CAMK2D: variants seen among roughly 807,000 people sequenced by gnomAD.
The protein encoded by CAMK2D is calcium/calmodulin-dependent protein kinase type II subunit delta.
A neutral mutation model predicts 84.0 loss-of-function variants in CAMK2D; 37 were observed. That is an observed-to-expected ratio of 0.44 (90% confidence interval 0.34 to 0.58). CAMK2D has a LOEUF of 0.58. CAMK2D is among the 20% of genes least tolerant of loss of function. CAMK2D has a pLI of 0.02. For synonymous variants in CAMK2D, 202 were observed against 212.5 expected (o/e 0.95, Z 0.43); for missense variants, 448 against 652.5 (o/e 0.69, Z 3.41).
chr4:113,467,133 A>C (rs2097483699), intron 16 of CAMK2D, among the ~76,000 whole-genome samples: 1 of 152,228 alleles, frequency 6.6e-6, no homozygotes, highest in Non-Finnish European at 1.5e-5. Context: ...CTGGATTTTA[A>C]GAATATTGCG....
intron 2 of CAMK2D, among the ~76,000 whole-genome samples, chr4:113,723,783 T>C (rs567778318): frequency 1.3e-5 from 2 of 152,276 alleles, no homozygotes; most frequent in East Asian, 3.9e-4. Flanking sequence ...AAGACATAGG[T>C]AGCATTCAGG....
intron 4 of CAMK2D, among the ~76,000 whole-genome samples, chr4:113,572,073 T>TAA (rs72617834): frequency 0.053 from 7,771 of 146,104 alleles, 580 homozygotes; most frequent in African/African-American, 0.16. Flanking sequence ...ACAGTTTTCA[T>TAA]AAAAAAAAAA....
chr4:113,745,701 C>T (rs1859231), intron 2 of CAMK2D, among the ~76,000 whole-genome samples: 2,383 of 152,074 alleles, frequency 0.016, 71 homozygotes, highest in African/African-American at 0.054. Flanking sequence ...AGTGATGTAG[C>T]GTTTATTTTC....
chr4:113,702,386 G>C (rs1023058127), intron 2 of CAMK2D, among the ~76,000 whole-genome samples: 1 of 151,562 alleles, frequency 6.6e-6, no homozygotes, highest in African/African-American at 2.4e-5. Flanking sequence ...GTCATTCTTA[G>C]CTTACTGGCC....
intron 2 of CAMK2D, among the ~76,000 whole-genome samples, chr4:113,666,373 T>C (rs1281493262): frequency 6.6e-6 from 1 of 152,198 alleles, no homozygotes; most frequent in Non-Finnish European, 1.5e-5. Flanking sequence ...GAATTTCATC[T>C]TTCTTGACAC....
In CAMK2D at chr4:113,584,251, T is replaced by C. The variant is rs548215634; in HGVS notation, c.275+24901A>G. On this transcript the variant is annotated intron_variant, in intron 4 of 20. Transcript: ENST00000511664. ...GGGAGTAGAATGTGGGAGATGGAGATTGACCTCAAAGTGTGAGAGCTCTTG... is the reference window on the plus strand; with the variant it reads ...GGGAGTAGAATGTGGGAGATGGAGACTGACCTCAAAGTGTGAGAGCTCTTG... 1.1e-4 allele frequency among the ~76,000 whole-genome samples: 16 copies of C among 152,274 alleles called. 1 individual carries two copies. The highest frequency in any genetic ancestry group is 6.5e-4 in the Admixed American group (10 of 15,288).
intron 2 of CAMK2D, among the ~76,000 whole-genome samples, chr4:113,677,047 C>T (rs957213021): frequency 6.6e-6 from 1 of 152,202 alleles, no homozygotes; most frequent in Non-Finnish European, 1.5e-5. Context: ...CTCCCCTACA[C>T]TATTGGGTTG....
intron 2 of CAMK2D, among the ~76,000 whole-genome samples, chr4:113,727,628 AAG>A (rs1480329420): frequency 1.3e-5 from 2 of 152,166 alleles, no homozygotes; most frequent in Non-Finnish European, 2.9e-5. Context: ...TTACTTAAGA[AAG>A]AGAAAGCAGT....
chr4:113,717,888 G>C (rs149768128), intron 2 of CAMK2D, among the ~76,000 whole-genome samples: 224 of 151,964 alleles, frequency 1.5e-3, no homozygotes, highest in African/African-American at 5.2e-3. Context: ...AGTTATTTAT[G>C]CTGTTAACCA....
intron 4 of CAMK2D, among the ~76,000 whole-genome samples, chr4:113,603,900 G>A (rs2098966458): frequency 6.7e-6 from 1 of 148,802 alleles, no homozygotes; most frequent in Non-Finnish European, 1.5e-5. Flanking sequence ...TTTGAGACCA[G>A]CCTGGGCAAC....
chr4:113,759,126 A>G (rs1300837686), intron 2 of CAMK2D, 194 bp downstream of exon 2: 1 of 349,258 alleles, frequency 2.9e-6, no homozygotes, highest in East Asian at 4.3e-5. Context: ...GTATCAAATA[A>G]TAATTATATC....
intron 4 of CAMK2D, among the ~76,000 whole-genome samples, chr4:113,591,240 A>C (rs1386852199): frequency 6.6e-6 from 1 of 152,204 alleles, no homozygotes; most frequent in African/African-American, 2.4e-5. Context: ...GTCTATTAAC[A>C]CAATGTCATT....
At chr4:113,591,613 A>C (rs2098884698) in intron 4 of CAMK2D, among the ~76,000 whole-genome samples, 1 of 152,184 alleles carries the variant, frequency 6.6e-6, no homozygotes, top group South Asian at 2.1e-4. Flanking sequence ...ATTTTAATGC[A>C]AGGATGGTAA....
intron 4 of CAMK2D, among the ~76,000 whole-genome samples, chr4:113,573,871 T>C (rs1242514641): frequency 6.6e-6 from 1 of 152,174 alleles, no homozygotes; most frequent in Non-Finnish European, 1.5e-5. Context: ...GTTTTTACTA[T>C]CTACTTCTTC....
chr4:113,555,712 GAACAAT>G (rs1282732847), intron 4 of CAMK2D, among the ~76,000 whole-genome samples: 1 of 152,088 alleles, frequency 6.6e-6, no homozygotes, highest in African/African-American at 2.4e-5. Flanking sequence ...TCCACTTGTT[GAACAAT>G]AACAATAACA....
intron 16 of CAMK2D, among the ~76,000 whole-genome samples, chr4:113,498,608 T>C (rs1226100265): frequency 6.6e-6 from 1 of 152,212 alleles, no homozygotes; most frequent in Non-Finnish European, 1.5e-5. Flanking sequence ...TGAATTCCTC[T>C]AATACTTGTA....
At chr4:113,747,874 C>T (rs1328435299) in intron 2 of CAMK2D, among the ~76,000 whole-genome samples, 1 of 152,030 alleles carries the variant, frequency 6.6e-6, no homozygotes, top group East Asian at 1.9e-4. Flanking sequence ...TCTTTTCACC[C>T]GTTTTTGCAT....
At chr4:113,729,969 C>T (rs1211765568) in intron 2 of CAMK2D, among the ~76,000 whole-genome samples, 1 of 152,162 alleles carries the variant, frequency 6.6e-6, no homozygotes, top group Non-Finnish European at 1.5e-5. Context: ...TTATAAGCCA[C>T]CCAGTCTATG....
intron 2 of CAMK2D, among the ~76,000 whole-genome samples, chr4:113,704,062 A>G (rs2099431541): frequency 6.6e-6 from 1 of 152,044 alleles, no homozygotes; most frequent in Non-Finnish European, 1.5e-5. Context: ...TAATTGATAT[A>G]AAGTAGCCTT....
Sources: gnomAD v4.1 joint callset for allele counts (sites outside exome capture counted in the v4.1 genomes callset) on GRCh38, gnomAD v4.1.1 for gene constraint, MANE v1.5 for transcripts, NCBI Gene and HGNC (gene_info 2026-07-23, HGNC 2026-07-21) for gene names.